Variants in KCNMA1 observed in about 807,000 individuals in gnomAD.
The protein encoded by KCNMA1 is Calcium-activated potassium channel subunit alpha-1.
In KCNMA1, 29 loss-of-function variants were observed where a neutral mutation model predicts 140.0. The ratio of observed to expected loss-of-function variants is 0.21; its 90% CI spans 0.15 to 0.28. KCNMA1 has a LOEUF of 0.28. KCNMA1 is among the 10% of genes least tolerant of loss of function. The probability of loss-of-function intolerance (pLI) is 1.00; values close to 1 mark genes in which losing one functional copy is unlikely to be tolerated. For missense variants in KCNMA1, 880 were observed against 1,602.2 expected (o/e 0.55, Z 7.70); for synonymous variants, 612 against 611.9 (o/e 1.00, Z 0.00).
chr10:76,971,297 A>G (rs2076013043), intron 19 of KCNMA1, among the ~76,000 whole-genome samples: 1 of 152,116 alleles, frequency 6.6e-6, no homozygotes, highest in Non-Finnish European at 1.5e-5. Flanking sequence ...ATGGTGTAGG[A>G]GTCTTAGATG....
chr10:77,615,151 G>A lies in KCNMA1; in HGVS notation c.378+22114C>T, dbSNP rs573499208. Among the ~76,000 whole-genome samples the A allele has an allele frequency of 1.2e-4, 18 of 152,306 alleles. No homozygotes were observed. In the South Asian group the frequency reaches 3.3e-3, roughly 28 times the overall value. On this transcript the variant is annotated intron_variant, in intron 1 of 27. Transcript: ENST00000286628. ...AGCACAGGTTCCTAAATAGGGGAAA[G>A]TGCCAACTAAAAAGCCCACCAGGCA...
rs1362330199 is a variant in KCNMA1 at position 77,408,390 on chromosome 10, ATG to A, written c.379-4369_379-4368del. 2.8e-5 allele frequency among the ~76,000 whole-genome samples: 4 copies of A among 143,886 alleles called. No individual in the cohort carries two copies. The East Asian group carries it at 5.8e-4, about 21-fold the overall frequency. 94.4% of individuals were successfully genotyped at this position (143,886 alleles called of 152,430 possible). On this transcript the variant is annotated intron_variant, in intron 1 of 27. Transcript: ENST00000286628. ...AATCACTGAGTGCGTGTGCTCACAC[ATG>A]TGTGTGTGCATGTGTGAGAGTGTGT...
chr10:77,542,580 T>C (rs1391871308), intron 1 of KCNMA1, among the ~76,000 whole-genome samples: 1 of 152,214 alleles, frequency 6.6e-6, no homozygotes, highest in Non-Finnish European at 1.5e-5. Flanking sequence ...TAGGAAATTG[T>C]ATTTTTTTAA....
chr10:77,545,537 C>T, intron 1 of KCNMA1, among the ~76,000 whole-genome samples: 1 of 152,188 alleles, frequency 6.6e-6, no homozygotes, highest in East Asian at 1.9e-4. Flanking sequence ...ACATGAGAGC[C>T]TGTCCAGCCA....
At chr10:77,160,523 G>C (rs1001239561) in intron 5 of KCNMA1, among the ~76,000 whole-genome samples, 1 of 152,300 alleles carries the variant, frequency 6.6e-6, no homozygotes, top group Admixed American at 6.5e-5. Flanking sequence ...TGCACTGAGG[G>C]AGCAGGGGCA....
In KCNMA1 at chr10:77,322,383, C is replaced by T. The variant is rs567769254; in HGVS notation, c.541-71127G>A. 5.3e-5 allele frequency among the ~76,000 whole-genome samples: 8 copies of T among 152,298 alleles called. No homozygotes were observed. In the South Asian group the frequency reaches 1.7e-3, roughly 32 times the overall value. Reference sequence around the variant, plus strand: ...ACTCTTGGATTTCAGCCCTTGAAGACCATGCTCCAACTTCATCATCAAATC... The same window carrying T: ...ACTCTTGGATTTCAGCCCTTGAAGATCATGCTCCAACTTCATCATCAAATC... On this transcript the variant is annotated intron_variant, in intron 2 of 27. Coordinates refer to ENST00000286628, the MANE Select transcript of KCNMA1 (RefSeq NM_001161352.2).
At chr10:77,151,507 A>C (rs1298147846) in intron 5 of KCNMA1, among the ~76,000 whole-genome samples, 1 of 152,102 alleles carries the variant, frequency 6.6e-6, no homozygotes, top group Non-Finnish European at 1.5e-5. Flanking sequence ...GATTACAGGC[A>C]TGAGCCACCA....
chr10:76,893,050 A>T (rs1452871517), intron 25 of KCNMA1, among the ~76,000 whole-genome samples: 1 of 152,198 alleles, frequency 6.6e-6, no homozygotes, highest in African/African-American at 2.4e-5. Flanking sequence ...TTAAAGTAGG[A>T]TATGTTTCTG....
In KCNMA1 at chr10:77,637,588, C is replaced by A; in HGVS notation, c.55G>T (p.Gly19Ter). Residue 19 changes from glycine (G) to a stop codon, truncating the protein, a stop_gained, in exon 1 of 28, where the codon GGA becomes TGA. Transcript: ENST00000286628. LOFTEE classifies it high-confidence loss of function. Reference sequence around the variant, plus strand: ...CTACTCATTCTAAGACTGCTGCCTCCGCCGCCGCCGCCGCCGCCGCTGCTG... The same window carrying A: ...CTACTCATTCTAAGACTGCTGCCTCAGCCGCCGCCGCCGCCGCCGCTGCTG... ...GGSSGGGGGG[G>*]GSSLRMSSNI... is the part of the protein sequence containing the mutation. 1 of 1,464,662 alleles carries A rather than the reference C, an allele frequency of 6.8e-7. No homozygotes were observed. Among genetic ancestry groups the A allele is most frequent in the Non-Finnish European group, 9.1e-7 (1 of 1,096,926 alleles). The allele number at this position is 1,464,662 out of a possible 1,614,324, so 90.7% of individuals were successfully genotyped here.
chr10:77,494,470 A>G (rs1289680288), intron 1 of KCNMA1, among the ~76,000 whole-genome samples: 1 of 152,178 alleles, frequency 6.6e-6, no homozygotes, highest in Non-Finnish European at 1.5e-5. Context: ...GCACATGGGG[A>G]TGAAAAGGGT....
At chr10:77,319,586 CT>C (rs1452898563) in intron 2 of KCNMA1, among the ~76,000 whole-genome samples, 2 of 152,216 alleles carry the variant, frequency 1.3e-5, no homozygotes, top group African/African-American at 4.8e-5. Context: ...TTCACAAATA[CT>C]CCTATTACGT....
At chr10:77,588,740 C>T (rs1474279124) in intron 1 of KCNMA1, among the ~76,000 whole-genome samples, 2 of 152,216 alleles carry the variant, frequency 1.3e-5, no homozygotes, top group Non-Finnish European at 2.9e-5. Flanking sequence ...ACAAAGTGGC[C>T]AAACAGCAAG....
chr10:77,595,930 G>A (rs952308452), intron 1 of KCNMA1, among the ~76,000 whole-genome samples: 67 of 152,250 alleles, frequency 4.4e-4, no homozygotes, highest in African/African-American at 1.6e-3. Flanking sequence ...GATTACAGGC[G>A]TGAGCCACTG....
chr10:77,358,834 G>A (rs540700585), intron 2 of KCNMA1, among the ~76,000 whole-genome samples: 7 of 152,302 alleles, frequency 4.6e-5, no homozygotes, highest in Middle Eastern at 3.4e-3. Flanking sequence ...CTACAAGTAC[G>A]AGTGAATCCG....
intron 5 of KCNMA1, among the ~76,000 whole-genome samples, chr10:77,128,075 G>A (rs1306856311): frequency 4.6e-5 from 7 of 152,010 alleles, no homozygotes; most frequent in Admixed American, 1.3e-4. Flanking sequence ...CTTAACAAAT[G>A]AAGCTAATTA....
At chr10:77,551,961 G>A (rs573204239) in intron 1 of KCNMA1, among the ~76,000 whole-genome samples, 2 of 152,168 alleles carry the variant, frequency 1.3e-5, no homozygotes, top group Admixed American at 1.3e-4. Flanking sequence ...ACGAGGATGA[G>A]GTCAAATGTC....
chr10:77,433,119 A>G (rs1464238074), intron 1 of KCNMA1, among the ~76,000 whole-genome samples: 1 of 152,152 alleles, frequency 6.6e-6, no homozygotes. Flanking sequence ...TTCATTTTTA[A>G]AAATTTGTTG....
chr10:76,944,457 A>C (rs2063390955), intron 23 of KCNMA1, among the ~76,000 whole-genome samples: 1 of 152,188 alleles, frequency 6.6e-6, no homozygotes, highest in Non-Finnish European at 1.5e-5. Flanking sequence ...GCTTCTTTTC[A>C]GTGCTCTGAC....
intron 18 of KCNMA1, among the ~76,000 whole-genome samples, chr10:77,007,274 C>T (rs1218732641): frequency 6.6e-6 from 1 of 152,154 alleles, no homozygotes; most frequent in Non-Finnish European, 1.5e-5. Context: ...GAATGTTCTC[C>T]TCCAGTCAGC....
Sources: allele counts gnomAD v4.1 joint callset (sites outside exome capture counted in the v4.1 genomes callset), GRCh38; gene constraint gnomAD v4.1.1; transcripts MANE v1.5; gene names NCBI Gene and HGNC (gene_info 2026-07-23, HGNC 2026-07-21).